The following KIRREL3 variants were observed in gnomAD, a reference collection of about 807,000 sequenced individuals.
The protein encoded by KIRREL3 is kirre like nephrin family adhesion molecule 3, also known as kin of IRRE-like protein 3.
In KIRREL3, 36 loss-of-function variants were observed where a neutral mutation model predicts 89.7. The ratio of observed to expected loss-of-function variants is 0.40; its 90% CI spans 0.31 to 0.53. The LOEUF (loss-of-function observed/expected upper bound fraction) is 0.53, where lower values mean the gene tolerates loss of function less well. Ranked by LOEUF, KIRREL3 falls within the 20% of genes least tolerant of loss-of-function variation. The probability of loss-of-function intolerance (pLI) is 0.49; values close to 1 mark genes in which losing one functional copy is unlikely to be tolerated. For synonymous variants in KIRREL3, 445 were observed against 441.4 expected (o/e 1.01, Z -0.10); for missense variants, 864 against 1,056.6 (o/e 0.82, Z 2.53).
intron 4 of KIRREL3, among the ~76,000 whole-genome samples, chr11:126,510,482 T>C (rs1200244784): frequency 6.6e-6 from 1 of 150,376 alleles, no homozygotes; most frequent in Non-Finnish European, 1.5e-5. Context: ...TTTTTTGAGA[T>C]AGGGGTCTCA....
At chr11:126,862,271 C>T (rs182441675) in intron 1 of KIRREL3, among the ~76,000 whole-genome samples, 43 of 152,324 alleles carry the variant, frequency 2.8e-4, no homozygotes, top group African/African-American at 1.0e-3. Flanking sequence ...CCCACATCCA[C>T]CCAAATGGAT....
In KIRREL3 at chr11:126,605,545, C is replaced by T. The variant is rs756025649; in HGVS notation, c.56-42633G>A. ...AGCCCACACTTAGCAGCTTGGCGCA[C>T]GCAAATAGGAGCTCTGCTCACAGCC... On this transcript the variant is annotated intron_variant, in intron 1 of 16. Coordinates refer to ENST00000525144, the MANE Select transcript of KIRREL3 (RefSeq NM_032531.4). The surrounding 1 kb of genome is among the most constrained non-coding windows in gnomAD (Gnocchi z 5.7). Among the ~76,000 whole-genome samples the T allele has an allele frequency of 1.4e-4, 22 of 152,204 alleles. No homozygotes were observed. The highest frequency in any genetic ancestry group is 2.6e-4 in the Non-Finnish European group (18 of 68,034).
intron 1 of KIRREL3, among the ~76,000 whole-genome samples, chr11:126,869,169 T>C (rs1163222039): frequency 2.0e-5 from 3 of 151,328 alleles, no homozygotes; most frequent in Non-Finnish European, 4.4e-5. Flanking sequence ...TTTTTTTTTT[T>C]TTTTCTCCTA....
Position 126,687,945 on chromosome 11 carries a change from T to C in KIRREL3, c.56-125033A>G, listed in dbSNP as rs1276365399. Among the ~76,000 whole-genome samples the C allele has an allele frequency of 2.0e-5, 3 of 152,218 alleles. No homozygotes were observed. Among genetic ancestry groups the C allele is most frequent in the Non-Finnish European group, 4.4e-5 (3 of 68,038 alleles). On this transcript the variant is annotated intron_variant, in intron 1 of 16. Transcript: ENST00000525144. The surrounding 1 kb of genome is among the most constrained non-coding windows in gnomAD (Gnocchi z 4.6). ...CATCTAGAAAAAGGAAATAAAGGGCTGTAGGTGTATCAAAGGTATTCCAGT... is the reference window on the plus strand; with the variant it reads ...CATCTAGAAAAAGGAAATAAAGGGCCGTAGGTGTATCAAAGGTATTCCAGT...
At chr11:126,588,572 A>T (rs1941984682) in intron 1 of KIRREL3, among the ~76,000 whole-genome samples, 1 of 152,172 alleles carries the variant, frequency 6.6e-6, no homozygotes, top group African/African-American at 2.4e-5. Flanking sequence ...TGGAGTCCTA[A>T]GCCTTGCACG....
chr11:126,632,030 TTTTA>T (rs1399763965), intron 1 of KIRREL3, among the ~76,000 whole-genome samples: 4 of 152,190 alleles, frequency 2.6e-5, no homozygotes, highest in Non-Finnish European at 5.9e-5. Flanking sequence ...GGTTCTCAAA[TTTTA>T]TTTGACACCG....
chr11:126,633,773 C>T (rs1468656052), intron 1 of KIRREL3, among the ~76,000 whole-genome samples: 4 of 152,178 alleles, frequency 2.6e-5, no homozygotes, highest in African/African-American at 9.7e-5. Flanking sequence ...TCTTGTCTTC[C>T]TTTTCCATCA....
rs148680211 is a variant in KIRREL3 at position 126,763,598 on chromosome 11, C to A, written c.56-200686G>T. 4.7e-3 allele frequency among the ~76,000 whole-genome samples: 715 copies of A among 152,290 alleles called. 4 individuals carry two copies. Among genetic ancestry groups the A allele is most frequent in the African/African-American group, 0.016 (668 of 41,554 alleles). On this transcript the variant is annotated intron_variant, in intron 1 of 16. Coordinates refer to ENST00000525144, the MANE Select transcript of KIRREL3 (RefSeq NM_032531.4). This position sits in a 1 kb window ranked among gnomAD's most constrained non-coding sequence, Gnocchi z 4.7. Reference sequence around the variant, plus strand: ...CCCAGGCTGAGGGACCAAGGCCCAGCGAGAGTAGGTGGTAGGTAGGCAATG... The same window carrying A: ...CCCAGGCTGAGGGACCAAGGCCCAGAGAGAGTAGGTGGTAGGTAGGCAATG...
Position 126,909,739 on chromosome 11 carries a change from C to A in KIRREL3, c.55+90716G>T, listed in dbSNP as rs1217789272. Among the ~76,000 whole-genome samples, 1 of 152,170 alleles carries A rather than the reference C, an allele frequency of 6.6e-6. No individual in the cohort carries two copies. The highest frequency in any genetic ancestry group is 1.5e-5 in the Non-Finnish European group (1 of 68,030). ...GACCTCAGAGATGACCTTTTGCCATCATTGTCTCAGCTTTCATGAAAACAG... is the reference window on the plus strand; with the variant it reads ...GACCTCAGAGATGACCTTTTGCCATAATTGTCTCAGCTTTCATGAAAACAG... On this transcript the variant is annotated intron_variant, in intron 1 of 16. Transcript: ENST00000525144. This position sits in a 1 kb window ranked among gnomAD's most constrained non-coding sequence, Gnocchi z 4.5.
At chr11:126,767,655 C>T (rs977187976) in intron 1 of KIRREL3, among the ~76,000 whole-genome samples, 1 of 152,154 alleles carries the variant, frequency 6.6e-6, no homozygotes, top group Non-Finnish European at 1.5e-5. Context: ...TAGTTTCCTT[C>T]CTTTTACTCT....
At position 126,924,974 on chromosome 11, in the gene KIRREL3, G is replaced by GAAAA; in HGVS notation, c.55+75477_55+75480dup. Among the ~76,000 whole-genome samples the GAAAA allele has an allele frequency of 7.0e-6, 1 of 143,102 alleles. No homozygotes were observed. The highest frequency in any genetic ancestry group is 2.6e-5 in the African/African-American group (1 of 38,726). The allele number at this position is 143,102 out of a possible 152,430, so 93.9% of individuals were successfully genotyped here. A position where few individuals can be genotyped will look rare whatever the true frequency, so the allele number is the denominator to read the frequency against. ...CAGTGGAGGAGGTTGGGATAAAATT[G>GAAAA]AAAAAAAAAAAAAACAGTCCTAGGA... On this transcript the variant is annotated intron_variant, in intron 1 of 16. Transcript: ENST00000525144. This position sits in a 1 kb window ranked among gnomAD's most constrained non-coding sequence, Gnocchi z 4.7.
In KIRREL3 at chr11:126,750,484, A is replaced by G. The variant is rs2134242883; in HGVS notation, c.56-187572T>C. 6.9e-6 allele frequency among the ~76,000 whole-genome samples: 1 copy of G among 145,982 alleles called. No individual in the cohort carries two copies. Among genetic ancestry groups the G allele is most frequent in the East Asian group, 2.0e-4 (1 of 5,080 alleles). ...CTGGAGAGGTTTGGCTGAGAGACTT[A>G]AGAATGTAGTATGAACTTATCAGTG... On this transcript the variant is annotated intron_variant, in intron 1 of 16. Coordinates refer to ENST00000525144, the MANE Select transcript of KIRREL3 (RefSeq NM_032531.4). The surrounding 1 kb of genome is among the most constrained non-coding windows in gnomAD (Gnocchi z 4.2).
chr11:126,618,920 A>G (rs1300615993), intron 1 of KIRREL3, among the ~76,000 whole-genome samples: 1 of 152,218 alleles, frequency 6.6e-6, no homozygotes, highest in East Asian at 1.9e-4. Context: ...GGTTCACCCA[A>G]GGAATATTTA....
In KIRREL3 at chr11:126,771,847, T is replaced by C. The variant is rs1256147965; in HGVS notation, c.56-208935A>G. ...AATGGTATCTTGCAGACATCTACCCTGAAATAGAGACCTGAAGTTCATCTC... is the reference window on the plus strand; with the variant it reads ...AATGGTATCTTGCAGACATCTACCCCGAAATAGAGACCTGAAGTTCATCTC... On this transcript the variant is annotated intron_variant, in intron 1 of 16. Coordinates refer to ENST00000525144, the MANE Select transcript of KIRREL3 (RefSeq NM_032531.4). The surrounding 1 kb of genome is among the most constrained non-coding windows in gnomAD (Gnocchi z 4.4). 6.6e-6 allele frequency among the ~76,000 whole-genome samples: 1 copy of C among 152,254 alleles called. No individual in the cohort carries two copies. The highest frequency in any genetic ancestry group is 1.9e-4 in the East Asian group (1 of 5,194).
intron 7 of KIRREL3, among the ~76,000 whole-genome samples, chr11:126,450,960 CGT>C (rs1565463187): frequency 7.9e-6 from 1 of 126,472 alleles, no homozygotes; most frequent in African/African-American, 3.1e-5. Context: ...CATGTGTGAG[CGT>C]GTGCATGCAT....
intron 1 of KIRREL3, among the ~76,000 whole-genome samples, chr11:126,820,445 A>T (rs1317901501): frequency 3.9e-5 from 6 of 152,208 alleles, no homozygotes; most frequent in African/African-American, 1.4e-4. Flanking sequence ...TGGAATAACT[A>T]TATAAGGTGT....
intron 1 of KIRREL3, among the ~76,000 whole-genome samples, chr11:126,887,981 C>A (rs553849263): frequency 9.9e-5 from 15 of 152,228 alleles, no homozygotes; most frequent in African/African-American, 3.6e-4. Context: ...TGGTCTTGGG[C>A]AAATCTTGTA....
chr11:126,767,534 G>C (rs1949863548), intron 1 of KIRREL3, among the ~76,000 whole-genome samples: 1 of 152,192 alleles, frequency 6.6e-6, no homozygotes, highest in Non-Finnish European at 1.5e-5. Context: ...TGTTGGCTGT[G>C]TATAATGATA....
At chr11:126,757,616 A>G (rs1949546324) in intron 1 of KIRREL3, among the ~76,000 whole-genome samples, 1 of 152,104 alleles carries the variant, frequency 6.6e-6, no homozygotes. Context: ...GGTCTTTTGA[A>G]TCCTTGATCT....
Sources: gnomAD v4.1 joint callset for allele counts (sites outside exome capture counted in the v4.1 genomes callset) on GRCh38, gnomAD v4.1.1 for gene constraint, Gnocchi (gnomAD v3.1) non-coding constraint, MANE v1.5 for transcripts, NCBI Gene and HGNC (gene_info 2026-07-23, HGNC 2026-07-21) for gene names.